ADGRV1: variants seen among roughly 807,000 people sequenced by gnomAD.
ADGRV1 encodes G-protein coupled receptor 98.
ADGRV1 carries 359 observed loss-of-function variants against 596.2 expected under a neutral mutation model. The ratio of observed to expected loss-of-function variants is 0.60; its 90% confidence interval spans 0.55 to 0.66. The LOEUF is 0.66. Ranked by LOEUF, ADGRV1 falls within the 30% of genes least tolerant of loss-of-function variation. The pLI is 0.00. For synonymous variants in ADGRV1, 2,681 were observed against 2,679.2 expected (o/e 1.00, Z -0.02); for missense variants, 7,274 against 7,575.6 (o/e 0.96, Z 1.48).
At chr5:90,729,160 C>T (rs1203611683) in intron 49 of ADGRV1, among the ~76,000 whole-genome samples, 1 of 152,050 alleles carries the variant, frequency 6.6e-6, no homozygotes, top group Non-Finnish European at 1.5e-5. Context: ...TATATGAAAA[C>T]AAAATTGGAA....
At chr5:90,727,527 TTA>T (rs1751961108) in intron 48 of ADGRV1, among the ~76,000 whole-genome samples, 1 of 152,220 alleles carries the variant, frequency 6.6e-6, no homozygotes, top group African/African-American at 2.4e-5. Context: ...TTTAAAAATA[TTA>T]ATTGACTAAT....
intron 70 of ADGRV1, among the ~76,000 whole-genome samples, chr5:90,799,809 C>G (rs1453267133): frequency 6.6e-6 from 1 of 152,088 alleles, no homozygotes; most frequent in Non-Finnish European, 1.5e-5. Flanking sequence ...ACAAACCTGA[C>G]AAAAACAAGC....
At chr5:90,608,268 A>G (rs1762342339) in intron 1 of ADGRV1, among the ~76,000 whole-genome samples, 1 of 152,100 alleles carries the variant, frequency 6.6e-6, no homozygotes, top group South Asian at 2.1e-4. Context: ...CTGTGAAATA[A>G]TAAAGGAAAC....
chr5:90,777,272 C>T (rs1758346404), intron 61 of ADGRV1, among the ~76,000 whole-genome samples: 1 of 152,056 alleles, frequency 6.6e-6, no homozygotes, highest in Non-Finnish European at 1.5e-5. Flanking sequence ...GGGGGAAGTC[C>T]ATCCCCATGA....
At chr5:90,582,212 C>T (rs181776531) in intron 1 of ADGRV1, among the ~76,000 whole-genome samples, 26 of 150,374 alleles carry the variant, frequency 1.7e-4, no homozygotes, top group Admixed American at 1.0e-3. Flanking sequence ...GGTCTAATTG[C>T]TCAAGTGTTA....
chr5:90,646,193 T>C (rs1767735952), intron 16 of ADGRV1, 102 bp downstream of exon 16: 1 of 538,018 alleles, frequency 1.9e-6, no homozygotes, highest in Non-Finnish European at 2.7e-6. Flanking sequence ...CACGTGCGTA[T>C]ATACATTTAT....
At chr5:90,930,355 G>T (rs1046926731) in intron 83 of ADGRV1, among the ~76,000 whole-genome samples, 1 of 152,116 alleles carries the variant, frequency 6.6e-6, no homozygotes, top group African/African-American at 2.4e-5. Context: ...AATAGTGAAT[G>T]AGAATGCCAA....
intron 86 of ADGRV1, among the ~76,000 whole-genome samples, chr5:91,076,767 T>G (rs1788890407): frequency 6.6e-6 from 1 of 152,196 alleles, no homozygotes; most frequent in Non-Finnish European, 1.5e-5. Flanking sequence ...CTTTTGTGTT[T>G]TTATATTCAA....
At chr5:91,128,903 A>G (rs1432276599) in intron 87 of ADGRV1, among the ~76,000 whole-genome samples, 1 of 152,204 alleles carries the variant, frequency 6.6e-6, no homozygotes, top group Non-Finnish European at 1.5e-5. Context: ...TGAGGCAAAG[A>G]TTCTTTAATG....
intron 1 of ADGRV1, among the ~76,000 whole-genome samples, chr5:90,587,438 A>AT (rs1273964226): frequency 6.6e-6 from 1 of 151,880 alleles, no homozygotes; most frequent in Non-Finnish European, 1.5e-5. Flanking sequence ...GGAAATATGT[A>AT]TTTTTTACAA....
chr5:91,046,938 G>A (rs972338152), intron 85 of ADGRV1, among the ~76,000 whole-genome samples: 5 of 152,096 alleles, frequency 3.3e-5, no homozygotes, highest in African/African-American at 7.2e-5. Context: ...CTAATGATCC[G>A]GGAAATGCAA....
At chr5:90,927,357 G>C (rs981313626) in intron 83 of ADGRV1, among the ~76,000 whole-genome samples, 29 of 151,800 alleles carry the variant, frequency 1.9e-4, no homozygotes, top group African/African-American at 5.1e-4. Context: ...GTTAGCTCTT[G>C]TTGTTGAATT....
chr5:90,570,144 T>C (rs1475353856), intron 1 of ADGRV1, among the ~76,000 whole-genome samples: 1 of 152,186 alleles, frequency 6.6e-6, no homozygotes, highest in East Asian at 1.9e-4. Flanking sequence ...AACCACATAG[T>C]GTCTCACTTT....
At chr5:90,740,455 C>T (rs1198706965) in intron 50 of ADGRV1, among the ~76,000 whole-genome samples, 1 of 152,176 alleles carries the variant, frequency 6.6e-6, no homozygotes. Flanking sequence ...TATCAACATG[C>T]CGCTATCTCC....
intron 85 of ADGRV1, among the ~76,000 whole-genome samples, chr5:91,022,268 A>C (rs528903062): frequency 2.0e-5 from 3 of 152,152 alleles, no homozygotes; most frequent in South Asian, 2.1e-4. Flanking sequence ...ATGATGACAG[A>C]TCTTCATGAG....
intron 86 of ADGRV1, among the ~76,000 whole-genome samples, chr5:91,090,541 A>T (rs1274214366): frequency 6.6e-6 from 1 of 151,274 alleles, no homozygotes; most frequent in Non-Finnish European, 1.5e-5. Flanking sequence ...AAACCTTGAG[A>T]CTCCACTGAG....
At chr5:90,778,123 G>A (rs1758443570) in intron 62 of ADGRV1, 80 bp downstream of exon 62, 3 of 1,442,818 alleles carry the variant, frequency 2.1e-6, no homozygotes, top group East Asian at 2.5e-5. Flanking sequence ...ATGTGTATGT[G>A]TGGGTGTGTT....
At chr5:91,157,071 A>G (rs371550135) in intron 89 of ADGRV1, among the ~76,000 whole-genome samples, 2 of 152,192 alleles carry the variant, frequency 1.3e-5, no homozygotes, top group Admixed American at 1.3e-4. Flanking sequence ...TCCACTGTCT[A>G]GTGCCTACTA....
At chr5:90,606,996 C>T (rs757318713) in intron 1 of ADGRV1, among the ~76,000 whole-genome samples, 3 of 152,140 alleles carry the variant, frequency 2.0e-5, no homozygotes, top group Non-Finnish European at 4.4e-5. Flanking sequence ...ATTATCCTTC[C>T]ACTTAACTAA....
Sources: allele counts gnomAD v4.1 joint callset (sites outside exome capture counted in the v4.1 genomes callset), GRCh38; gene constraint gnomAD v4.1.1; transcripts MANE v1.5; gene names NCBI Gene and HGNC (gene_info 2026-07-23, HGNC 2026-07-21).